The following SH3KBP1 variants were observed in gnomAD, a reference collection of about 807,000 sequenced individuals.
The protein encoded by SH3KBP1 is SH3 domain-containing kinase-binding protein 1.
In SH3KBP1, 8 loss-of-function variants were observed where a neutral mutation model predicts 50.1. The observed-to-expected ratio is 0.16, with a 90% CI of 0.09 to 0.29. The LOEUF (loss-of-function observed/expected upper bound fraction) is 0.29, where lower values mean the gene tolerates loss of function less well. SH3KBP1 is among the 10% of genes least tolerant of loss of function. SH3KBP1 has a pLI of 1.00. For missense variants in SH3KBP1, 377 were observed against 535.2 expected, an observed-to-expected ratio of 0.70 and a Z score of 2.92; for synonymous variants, 227 against 218.6, an observed-to-expected ratio of 1.04 and a Z score of -0.34.
intron 1 of SH3KBP1, among the ~76,000 whole-genome samples, chrX:19,844,635 G>C (rs982260801): frequency 2.7e-5 from 3 of 111,530 alleles, no homozygotes; most frequent in Non-Finnish European, 3.8e-5. Context: ...CACAAGACCT[G>C]TGGGCCTTGA....
chrX:19,721,829 T>C (rs1374847731), intron 3 of SH3KBP1, among the ~76,000 whole-genome samples: 1 of 110,172 alleles, frequency 9.1e-6, no homozygotes, highest in Non-Finnish European at 1.9e-5. Context: ...AACCTGTCTC[T>C]ACAAAAAATA....
At chrX:19,742,912 G>A (rs374067324) in intron 3 of SH3KBP1, among the ~76,000 whole-genome samples, 3 of 111,803 alleles carry the variant, frequency 2.7e-5, no homozygotes, top group African/African-American at 9.8e-5. Flanking sequence ...AATGAAAAAC[G>A]ACTTCTTATT....
At chrX:19,722,636 G>T (rs2064102836) in intron 3 of SH3KBP1, among the ~76,000 whole-genome samples, 1 of 104,703 alleles carries the variant, frequency 9.6e-6, no homozygotes, top group African/African-American at 3.5e-5. Context: ...TGCCTGCCGG[G>T]CTGCAAGCAC....
intron 8 of SH3KBP1, among the ~76,000 whole-genome samples, chrX:19,628,231 T>C (rs2061498859): frequency 8.9e-6 from 1 of 112,212 alleles, no homozygotes; most frequent in East Asian, 2.8e-4. Flanking sequence ...CGTCATGGCA[T>C]TCCAGCCTCA....
chrX:19,859,795 T>A (rs757957383), intron 1 of SH3KBP1, among the ~76,000 whole-genome samples: 54 of 110,719 alleles, frequency 4.9e-4, no homozygotes, highest in Non-Finnish European at 2.5e-4. Flanking sequence ...CCTCCTGGCC[T>A]CTCAACCATC....
At chrX:19,793,313 A>AAATAT (rs1418807395) in intron 2 of SH3KBP1, among the ~76,000 whole-genome samples, 1 of 96,985 alleles carries the variant, frequency 1.0e-5, no homozygotes, top group African/African-American at 3.9e-5. Context: ...AGGAAAAAAA[A>AAATAT]ATATATATAT....
Position 19,774,699 on chromosome X carries a change from AAAGAAAGAAAG to A in SH3KBP1, c.163-28269_163-28259del, listed in dbSNP as rs1286381614. 3.9e-5 allele frequency among the ~76,000 whole-genome samples: 4 copies of A among 102,482 alleles called. No homozygotes were observed. In the East Asian group the frequency reaches 1.2e-3, roughly 30 times the overall value. The allele number at this position is 102,482 out of a possible 115,157, so 89.0% of individuals were successfully genotyped here. On this transcript the variant is annotated intron_variant, in intron 2 of 17. Coordinates refer to ENST00000397821, the MANE Select transcript of SH3KBP1 (RefSeq NM_031892.3). ...GAAAGAAAGAAAGAAAGAAAGAAAG[AAAGAAAGAAAG>A]AAGAAACCTAAGGAAATTCTAGTTT...
At chrX:19,856,543 C>T (rs921114840) in intron 1 of SH3KBP1, among the ~76,000 whole-genome samples, 1 of 111,855 alleles carries the variant, frequency 8.9e-6, no homozygotes, top group Non-Finnish European at 1.9e-5. Context: ...TCGGTGCAGG[C>T]GGCACAGGCT....
intron 2 of SH3KBP1, among the ~76,000 whole-genome samples, chrX:19,822,089 G>C (rs1432179986): frequency 1.8e-5 from 2 of 111,972 alleles, no homozygotes; most frequent in Non-Finnish European, 3.8e-5. Flanking sequence ...TGTCTCTCTT[G>C]CTGCATTTTC....
chrX:19,749,547 G>A lies in SH3KBP1; in HGVS notation c.163-3106C>T, dbSNP rs1044222792. On this transcript the variant is annotated intron_variant, in intron 2 of 17. Transcript: ENST00000397821. ...GAACCTGGAAAACATTATGCTAAGTGAAATAAAACACACAAAGGGATAAAC... is the reference window on the plus strand; with the variant it reads ...GAACCTGGAAAACATTATGCTAAGTAAAATAAAACACACAAAGGGATAAAC... 2.7e-5 allele frequency among the ~76,000 whole-genome samples: 3 copies of A among 112,879 alleles called. No individual in the cohort carries two copies. In the Admixed American group the frequency reaches 2.8e-4, roughly 11 times the overall value.
At chrX:19,805,756 T>G (rs2067026623) in intron 2 of SH3KBP1, among the ~76,000 whole-genome samples, 1 of 111,021 alleles carries the variant, frequency 9.0e-6, no homozygotes, top group Non-Finnish European at 1.9e-5. Context: ...CGTCGAGACC[T>G]GCCATTTACA....
chrX:19,805,421 T>C (rs189314097), intron 2 of SH3KBP1, among the ~76,000 whole-genome samples: 16 of 109,570 alleles, frequency 1.5e-4, no homozygotes, highest in African/African-American at 5.0e-4. Flanking sequence ...AAAATCAACA[T>C]ACTTGAAACT....
intron 8 of SH3KBP1, among the ~76,000 whole-genome samples, chrX:19,630,607 C>T (rs1229152949): frequency 1.8e-5 from 2 of 111,655 alleles, no homozygotes; most frequent in Non-Finnish European, 3.8e-5. Context: ...AAAAGATGGA[C>T]GAGTTCTTGG....
At chrX:19,774,118 A>C (rs2065886445) in intron 2 of SH3KBP1, among the ~76,000 whole-genome samples, 1 of 110,764 alleles carries the variant, frequency 9.0e-6, no homozygotes, top group Admixed American at 9.7e-5. Flanking sequence ...CACCAAGGTC[A>C]AATGGTCCTC....
chrX:19,829,194 AT>A (rs765773682), intron 2 of SH3KBP1, among the ~76,000 whole-genome samples: 83 of 112,537 alleles, frequency 7.4e-4, no homozygotes, highest in Non-Finnish European at 1.3e-3. Context: ...TCAACAAAAT[AT>A]TAAACAAATT....
intron 2 of SH3KBP1, among the ~76,000 whole-genome samples, chrX:19,758,199 G>A (rs750887526): frequency 1.8e-5 from 2 of 109,178 alleles, no homozygotes; most frequent in East Asian, 2.9e-4. Flanking sequence ...GTGGTGGCAC[G>A]TGCCTGTAAT....
intron 12 of SH3KBP1, among the ~76,000 whole-genome samples, chrX:19,584,296 T>C (rs2066488700): frequency 1.0e-5 from 1 of 95,498 alleles, no homozygotes; most frequent in Admixed American, 1.3e-4. Context: ...TATTTATATT[T>C]ATATTTATAA....
chrX:19,573,450 C>T (rs1210978005), intron 12 of SH3KBP1, among the ~76,000 whole-genome samples: 1 of 107,003 alleles, frequency 9.3e-6, no homozygotes, highest in East Asian at 2.8e-4. Context: ...CCACATCAGG[C>T]TAATTTTTGT....
intron 3 of SH3KBP1, among the ~76,000 whole-genome samples, chrX:19,725,969 T>C (rs938878885): frequency 2.7e-5 from 3 of 111,315 alleles, no homozygotes; most frequent in Admixed American, 9.6e-5. Context: ...CAGCACAGAG[T>C]GTCTGAGAGT....
Sources: gnomAD v4.1 joint callset for allele counts (sites outside exome capture counted in the v4.1 genomes callset) on GRCh38, gnomAD v4.1.1 for gene constraint, MANE v1.5 for transcripts, NCBI Gene and HGNC (gene_info 2026-07-23, HGNC 2026-07-21) for gene names.